KCNH1: variants seen among roughly 807,000 people sequenced by gnomAD.
KCNH1 encodes voltage-gated delayed rectifier potassium channel KCNH1.
Under a neutral mutation model 69.2 loss-of-function variants are expected in KCNH1, and 27 were observed. That is an observed-to-expected ratio of 0.39 (90% CI 0.29 to 0.54). The LOEUF (loss-of-function observed/expected upper bound fraction) is 0.54. Ranked by LOEUF, KCNH1 falls within the 20% of genes least tolerant of loss-of-function variation. The pLI is 0.68. For synonymous variants in KCNH1, 456 were observed against 487.7 expected, an observed-to-expected ratio of 0.93 and a Z score of 0.86; for missense variants, 798 against 1,261.6, an observed-to-expected ratio of 0.63 and a Z score of 5.57.
chr1:211,122,032 G>A (rs1005840198), intron 1 of KCNH1, among the ~76,000 whole-genome samples: 1 of 152,076 alleles, frequency 6.6e-6, no homozygotes, highest in Non-Finnish European at 1.5e-5. Flanking sequence ...CAGCTACTCG[G>A]GAGGCAGAGG....
At chr1:210,859,975 G>T (rs4951484) in intron 7 of KCNH1, 1,592,830 of 1,592,834 alleles carry the variant, frequency 1, 796,413 homozygotes, top group Middle Eastern at 1. Flanking sequence ...ACCTCTCTTG[G>T]CAGTCTTTCT....
chr1:210,950,346 T>A, intron 6 of KCNH1, among the ~76,000 whole-genome samples: 1 of 128,618 alleles, frequency 7.8e-6, no homozygotes, highest in Admixed American at 8.0e-5. Flanking sequence ...ATTAGGTATA[T>A]CTCCCAATGC....
At chr1:210,712,026 A>T (rs1460501829) in intron 10 of KCNH1, among the ~76,000 whole-genome samples, 1 of 152,198 alleles carries the variant, frequency 6.6e-6, no homozygotes, top group Admixed American at 6.5e-5. Context: ...AGGTGGAATC[A>T]CAACCCACAG....
chr1:210,683,223 T>A lies in KCNH1; in HGVS notation c.*58A>T. 1 of 1,508,504 alleles carries A rather than the reference T, an allele frequency of 6.6e-7. No homozygotes were observed. The highest frequency in any genetic ancestry group is 1.2e-5 in the South Asian group (1 of 80,296). The allele number at this position is 1,508,504 out of a possible 1,614,324, so 93.4% of individuals were successfully genotyped here. A position where few individuals can be genotyped will look rare whatever the true frequency, so the allele number is the denominator to read the frequency against. On this transcript the variant is annotated 3_prime_UTR_variant, in exon 11 of 11. Transcript: ENST00000271751. The surrounding 1 kb of genome is among the most constrained non-coding windows in gnomAD (Gnocchi z 5.7). ...GTCATGTGGACATATGTGGTAGGGG[T>A]GGTGGTGACGGCAGGGTTGGAGGTA...
intron 1 of KCNH1, among the ~76,000 whole-genome samples, chr1:211,114,830 C>A (rs1691537193): frequency 1.3e-5 from 2 of 152,076 alleles, no homozygotes; most frequent in African/African-American, 4.8e-5. Flanking sequence ...GCAAAGTAAC[C>A]CACTGCTTGG....
In KCNH1 at chr1:210,889,944, G is replaced by C. The variant is rs1417769103; in HGVS notation, c.1462+29696C>G. On this transcript the variant is annotated intron_variant, in intron 7 of 10. Transcript: ENST00000271751. ...CCATGCTCATGGATAGGAAGAATCA[G>C]TATCATGAAAATGGCCATACTGCCC... Among the ~76,000 whole-genome samples the C allele has an allele frequency of 2.6e-5, 4 of 152,040 alleles. No individual in the cohort carries two copies. In the East Asian group the frequency reaches 7.7e-4, roughly 29 times the overall value.
At chr1:210,817,074 A>C (rs1175205975) in intron 7 of KCNH1, among the ~76,000 whole-genome samples, 4 of 152,168 alleles carry the variant, frequency 2.6e-5, no homozygotes, top group Non-Finnish European at 5.9e-5. Flanking sequence ...TTGGTTTATC[A>C]AAGGCAGAAT....
chr1:211,093,982 G>C (rs1348342977), intron 3 of KCNH1, among the ~76,000 whole-genome samples: 3 of 152,022 alleles, frequency 2.0e-5, no homozygotes, highest in Non-Finnish European at 4.4e-5. Flanking sequence ...CTGATTCTAG[G>C]GTTCACTTTT....
intron 10 of KCNH1, among the ~76,000 whole-genome samples, chr1:210,768,703 C>T (rs1301318670): frequency 2.0e-5 from 3 of 152,114 alleles, no homozygotes; most frequent in Non-Finnish European, 4.4e-5. Flanking sequence ...CTTTAAAGCC[C>T]GTGTTCATTC....
intron 7 of KCNH1, among the ~76,000 whole-genome samples, chr1:210,823,807 G>A (rs552469666): frequency 1.3e-5 from 2 of 152,156 alleles, no homozygotes; most frequent in Non-Finnish European, 2.9e-5. Flanking sequence ...AACCCAGGCA[G>A]TCTGAGGCCT....
At chr1:210,703,257 A>G (rs905774285) in intron 10 of KCNH1, among the ~76,000 whole-genome samples, 3 of 152,222 alleles carry the variant, frequency 2.0e-5, no homozygotes, top group African/African-American at 7.2e-5. Context: ...AAAGACACCA[A>G]TATTCCTATT....
In KCNH1 at chr1:210,860,015, C is replaced by T. The variant is rs1685941293; in HGVS notation, c.1463-55849G>A. On this transcript the variant is annotated intron_variant, in intron 7 of 10. Coordinates refer to ENST00000271751, the MANE Select transcript of KCNH1 (RefSeq NM_172362.3). ...CTGCTTCCACGAATAAGGGAATGCA[C>T]TGGTCAACGTGACGCCCTTTGCACT... 4.4e-6 allele frequency: 7 copies of T among 1,583,444 alleles called. No homozygotes were observed. In the South Asian group the frequency reaches 6.6e-5, roughly 15 times the overall value.
At chr1:210,711,985 A>C (rs945291799) in intron 10 of KCNH1, among the ~76,000 whole-genome samples, 11 of 152,192 alleles carry the variant, frequency 7.2e-5, no homozygotes, top group African/African-American at 2.7e-4. Context: ...CAACGGCAGA[A>C]GGACAGCTGC....
chr1:211,047,360 C>T lies in KCNH1; in HGVS notation c.559-28104G>A, dbSNP rs145818422. On this transcript the variant is annotated intron_variant, in intron 5 of 10. Coordinates refer to ENST00000271751, the MANE Select transcript of KCNH1 (RefSeq NM_172362.3). Reference sequence around the variant, plus strand: ...AAAATAATGAAGTAAAAAATGTGAACGCAGGCATGTGTGTACATGCAAAAC... The same window carrying T: ...AAAATAATGAAGTAAAAAATGTGAATGCAGGCATGTGTGTACATGCAAAAC... 1.3e-3 allele frequency among the ~76,000 whole-genome samples: 199 copies of T among 152,226 alleles called. 1 individual carries two copies. Among genetic ancestry groups the T allele is most frequent in the African/African-American group, 4.5e-3 (185 of 41,532 alleles).
At chr1:210,779,726 G>C (rs1683937600) in intron 9 of KCNH1, among the ~76,000 whole-genome samples, 3 of 151,208 alleles carry the variant, frequency 2.0e-5, no homozygotes, top group Non-Finnish European at 4.4e-5. Context: ...ATTCTGAGCT[G>C]GGAAAAAAAA....
chr1:211,011,338 T>C (rs1232401176), intron 6 of KCNH1, among the ~76,000 whole-genome samples: 4 of 152,224 alleles, frequency 2.6e-5, no homozygotes, highest in Non-Finnish European at 5.9e-5. Flanking sequence ...TAGTATTCCA[T>C]GGTGTATATG....
At chr1:210,835,863 C>T (rs1433884960) in intron 7 of KCNH1, among the ~76,000 whole-genome samples, 1 of 151,994 alleles carries the variant, frequency 6.6e-6, no homozygotes, top group African/African-American at 2.4e-5. Context: ...GGCATGGTGG[C>T]TCAAGCTTGT....
intron 10 of KCNH1, among the ~76,000 whole-genome samples, chr1:210,730,185 A>G (rs140522145): frequency 6.6e-6 from 1 of 152,272 alleles, no homozygotes; most frequent in African/African-American, 2.4e-5. Context: ...ATGCTATATA[A>G]GTGTTTGCTA....
intron 5 of KCNH1, among the ~76,000 whole-genome samples, chr1:211,032,040 G>T (rs1689795191): frequency 6.6e-6 from 1 of 152,190 alleles, no homozygotes; most frequent in Non-Finnish European, 1.5e-5. Context: ...ATCTCCTTAA[G>T]CTGATAAGCA....
Sources: gnomAD v4.1 joint callset for allele counts (sites outside exome capture counted in the v4.1 genomes callset) on GRCh38, gnomAD v4.1.1 for gene constraint, Gnocchi (gnomAD v3.1) non-coding constraint, MANE v1.5 for transcripts, NCBI Gene and HGNC (gene_info 2026-07-23, HGNC 2026-07-21) for gene names.